The following DYNC1I1 variants were observed in gnomAD, a reference collection of about 807,000 sequenced individuals.
The protein encoded by DYNC1I1 is dynein cytoplasmic 1 intermediate chain 1.
DYNC1I1 carries 43 observed loss-of-function variants against 86.6 expected under a neutral mutation model. That is an observed-to-expected ratio of 0.50 (90% CI 0.39 to 0.64). The LOEUF (loss-of-function observed/expected upper bound fraction) is 0.64, where lower values mean the gene tolerates loss of function less well. DYNC1I1 is among the 30% of genes least tolerant of loss of function. DYNC1I1 has a pLI of 0.00. For synonymous variants in DYNC1I1, 262 were observed against 283.7 expected, an observed-to-expected ratio of 0.92 and a Z score of 0.77; for missense variants, 604 against 788.8, an observed-to-expected ratio of 0.77 and a Z score of 2.81.
intron 10 of DYNC1I1, among the ~76,000 whole-genome samples, chr7:96,011,210 T>C (rs1015312824): frequency 1.3e-5 from 2 of 152,180 alleles, no homozygotes; most frequent in South Asian, 4.1e-4. Context: ...GGAAGTAGTC[T>C]AGTTATTTAG....
chr7:95,941,747 G>T (rs1220480951), intron 6 of DYNC1I1, among the ~76,000 whole-genome samples: 3 of 152,176 alleles, frequency 2.0e-5, no homozygotes, highest in African/African-American at 4.8e-5. Flanking sequence ...CTGACCACTT[G>T]CGCTTCCCAA....
At position 95,838,955 on chromosome 7, in the gene DYNC1I1, T is replaced by C. The variant is rs374066252; in HGVS notation, c.374+10839T>C. On this transcript the variant is annotated intron_variant, in intron 5 of 16. Coordinates refer to ENST00000447467, the MANE Select transcript of DYNC1I1 (RefSeq NM_001135556.2). ...ACTTCTGTCTTATTTGGATGACATGTATTTCTTTTTCTGTCTAATTTATCT... is the reference window on the plus strand; with the variant it reads ...ACTTCTGTCTTATTTGGATGACATGCATTTCTTTTTCTGTCTAATTTATCT... Among the ~76,000 whole-genome samples the C allele has an allele frequency of 1.6e-4, 25 of 152,292 alleles. 1 individual carries two copies. The highest frequency in any genetic ancestry group is 1.5e-3 in the East Asian group (8 of 5,184).
intron 14 of DYNC1I1, 84 bp from the exon 15 acceptor site, chr7:96,075,973 T>A (rs747559354): frequency 3.9e-6 from 6 of 1,526,420 alleles, no homozygotes; most frequent in Non-Finnish European, 5.3e-6. Flanking sequence ...ACTTTGTGAA[T>A]GTGCAAAGTT....
intron 16 of DYNC1I1, among the ~76,000 whole-genome samples, chr7:96,088,016 G>T (rs569409861): frequency 2.0e-5 from 3 of 151,978 alleles, no homozygotes; most frequent in African/African-American, 7.2e-5. Flanking sequence ...AAGAAAAGGC[G>T]CAATTAATTC....
chr7:95,909,236 A>AGGGGGGGGGGGGGGGGGG (rs1476037005), intron 6 of DYNC1I1, among the ~76,000 whole-genome samples: 1 of 3,750 alleles, frequency 2.7e-4, no homozygotes, highest in Non-Finnish European at 4.5e-4. Context: ...GGAGGGTGGG[A>AGGGGGGGGGGGGGGGGGG]GGGGGGTGGG....
intron 6 of DYNC1I1, among the ~76,000 whole-genome samples, chr7:95,883,961 A>G (rs1790525077): frequency 6.6e-6 from 1 of 152,178 alleles, no homozygotes; most frequent in African/African-American, 2.4e-5. Context: ...GCATTTTTGA[A>G]TATTTTAAAA....
At chr7:95,847,842 C>G (rs990253829) in intron 5 of DYNC1I1, among the ~76,000 whole-genome samples, 1 of 152,132 alleles carries the variant, frequency 6.6e-6, no homozygotes, top group African/African-American at 2.4e-5. Context: ...CCTTGAAATT[C>G]ACACCAGAGC....
chr7:96,067,273 G>A (rs1470700123), intron 14 of DYNC1I1, among the ~76,000 whole-genome samples: 1 of 151,888 alleles, frequency 6.6e-6, no homozygotes, highest in Admixed American at 6.6e-5. Flanking sequence ...CAACCCCAAA[G>A]CCCTGCTGGC....
intron 5 of DYNC1I1, among the ~76,000 whole-genome samples, chr7:95,851,217 G>A (rs995687130): frequency 3.3e-5 from 5 of 152,100 alleles, no homozygotes; most frequent in African/African-American, 4.8e-5. Context: ...TTGCAGACAT[G>A]AGCCACCATG....
chr7:95,926,425 T>C (rs144728234), intron 6 of DYNC1I1, among the ~76,000 whole-genome samples: 1 of 152,306 alleles, frequency 6.6e-6, no homozygotes, highest in African/African-American at 2.4e-5. Flanking sequence ...TATGTGAATC[T>C]GATTTGATAC....
At chr7:95,972,554 A>G (rs994385986) in intron 6 of DYNC1I1, among the ~76,000 whole-genome samples, 9 of 152,102 alleles carry the variant, frequency 5.9e-5, no homozygotes, top group Non-Finnish European at 8.8e-5. Flanking sequence ...ATTGCTGCAA[A>G]GGGAATATGC....
At chr7:95,880,204 A>T (rs1034304711) in intron 6 of DYNC1I1, among the ~76,000 whole-genome samples, 1 of 152,154 alleles carries the variant, frequency 6.6e-6, no homozygotes. Context: ...TTGCCTGGAA[A>T]TCTAACCCAG....
chr7:95,940,649 C>T lies in DYNC1I1; in HGVS notation c.491-36863C>T, dbSNP rs541790460. 3.3e-5 allele frequency among the ~76,000 whole-genome samples: 5 copies of T among 152,336 alleles called. No homozygotes were observed. In the East Asian group the frequency reaches 9.6e-4, roughly 29 times the overall value. On this transcript the variant is annotated intron_variant, in intron 6 of 16. Coordinates refer to ENST00000447467, the MANE Select transcript of DYNC1I1 (RefSeq NM_001135556.2). ...CTCGAACCTTGACTTTCAGCTCTAT[C>T]AGCTCCTTTAAGCACTTCTCTGTAT...
At chr7:95,777,374 C>G (rs972354438) in intron 1 of DYNC1I1, among the ~76,000 whole-genome samples, 2 of 152,158 alleles carry the variant, frequency 1.3e-5, no homozygotes, top group Admixed American at 1.3e-4. Flanking sequence ...AAACTTTATT[C>G]ACTGCAAAGA....
intron 3 of DYNC1I1, 30 bp from the exon 4 acceptor site, chr7:95,813,217 C>T: frequency 6.2e-7 from 1 of 1,610,898 alleles, no homozygotes; most frequent in Non-Finnish European, 8.5e-7. Flanking sequence ...CATTTTTTAA[C>T]ATGGGATACC....
chr7:96,013,005 C>T (rs1228158017), intron 10 of DYNC1I1, among the ~76,000 whole-genome samples: 1 of 151,928 alleles, frequency 6.6e-6, no homozygotes, highest in Non-Finnish European at 1.5e-5. Flanking sequence ...TAAAAGACTA[C>T]AAATAGGGTA....
At chr7:95,791,546 G>A (rs1202732703) in intron 1 of DYNC1I1, among the ~76,000 whole-genome samples, 5 of 152,164 alleles carry the variant, frequency 3.3e-5, no homozygotes, top group Non-Finnish European at 5.9e-5. Flanking sequence ...CGCAATAGAT[G>A]GCTCTGTTCT....
chr7:95,919,822 T>C (rs758810480), intron 6 of DYNC1I1, among the ~76,000 whole-genome samples: 6 of 152,172 alleles, frequency 3.9e-5, no homozygotes, highest in African/African-American at 4.8e-5. Flanking sequence ...TTCCCAGTGG[T>C]CAAAGCTGGA....
chr7:95,880,596 A>G (rs1354382201), intron 6 of DYNC1I1, among the ~76,000 whole-genome samples: 1 of 151,080 alleles, frequency 6.6e-6, no homozygotes, highest in Non-Finnish European at 1.5e-5. Flanking sequence ...CAGGAAATCA[A>G]TTAGTAGATC....
Sources: allele counts gnomAD v4.1 joint callset (sites outside exome capture counted in the v4.1 genomes callset), GRCh38; gene constraint gnomAD v4.1.1; transcripts MANE v1.5; gene names NCBI Gene and HGNC (gene_info 2026-07-23, HGNC 2026-07-21).